Variants in CEP70 observed in about 807,000 individuals in gnomAD.
CEP70 encodes the protein centrosomal protein 70, also known as centrosomal protein of 70 kDa.
CEP70 carries 70 observed loss-of-function variants against 90.9 expected under a neutral mutation model. The ratio of observed to expected loss-of-function variants is 0.77; its 90% CI spans 0.64 to 0.94. CEP70 has a LOEUF of 0.94. Ranked by LOEUF, CEP70 falls within the 40% of genes least tolerant of loss-of-function variation. The pLI is 0.00. For synonymous variants in CEP70, 220 were observed against 228.3 expected (o/e 0.96, Z 0.33); for missense variants, 648 against 669.0 (o/e 0.97, Z 0.35).
At chr3:138,592,985 A>C (rs1238158119) in intron 1 of CEP70, 2 of 152,190 alleles carry the variant, frequency 1.3e-5, no homozygotes, top group Non-Finnish European at 2.9e-5. Context: ...ACTTACCCCA[A>C]ATAGGAAAGA....
intron 11 of CEP70, among the ~76,000 whole-genome samples, chr3:138,521,196 A>T (rs1011920550): frequency 2.0e-5 from 3 of 152,102 alleles, no homozygotes; most frequent in African/African-American, 7.2e-5. Flanking sequence ...GGCCTCCCAA[A>T]GTGCTGAGAT....
At chr3:138,532,606 G>A (rs754767457) in intron 7 of CEP70, 36 bp from the exon 8 acceptor site, 9 of 495,878 alleles carry the variant, frequency 1.8e-5, no homozygotes, top group East Asian at 8.8e-5. Flanking sequence ...TTCAAAATGC[G>A]GTATGGTATT....
At chr3:138,541,939 C>G (rs2038801605) in intron 6 of CEP70, among the ~76,000 whole-genome samples, 1 of 152,220 alleles carries the variant, frequency 6.6e-6, no homozygotes, top group East Asian at 1.9e-4. Flanking sequence ...GGGAGCATCA[C>G]AAGATCCTCA....
At position 138,562,033 on chromosome 3, in the gene CEP70, A is replaced by C. The variant is rs1230336981; in HGVS notation, c.465+8285T>G. ...GCAAGACGCCGTCTCAAAAAAAAAA[A>C]AAAAAGAAGAACTTCGTGAAGCATA... is the stretch of plus-strand genomic sequence containing the variant. On this transcript the variant is annotated intron_variant, in intron 6 of 17. Coordinates refer to ENST00000264982, the MANE Select transcript of CEP70 (RefSeq NM_024491.4). 8.6e-5 allele frequency among the ~76,000 whole-genome samples: 13 copies of C among 151,888 alleles called. No individual in the cohort carries two copies. The South Asian group carries it at 1.2e-3, about 15-fold the overall frequency.
intron 6 of CEP70, among the ~76,000 whole-genome samples, chr3:138,559,142 C>G (rs371053912): frequency 6.6e-6 from 1 of 151,826 alleles, no homozygotes; most frequent in South Asian, 2.1e-4. Flanking sequence ...AATTCTAAAA[C>G]TAAAAAATAC....
In CEP70 at chr3:138,529,439, T is replaced by C; in HGVS notation, c.716A>G (p.Gln239Arg). Residue 239 changes from glutamine to arginine, a missense_variant, in exon 9 of 18, where the codon CAG (glutamine) becomes CGG (arginine). Physicochemically the swap from Gln to Arg is conservative, Grantham distance 43 (BLOSUM62 1). Coordinates refer to ENST00000264982, the MANE Select transcript of CEP70 (RefSeq NM_024491.4). ...TCTGTAGTCGTTTTCTTCTTCTGAC[T>C]GACTTTCATCTTCTTTATATTGCCT... ...TQRQYKEDES[Q>R]SEEENDYRNL... 1.2e-6 allele frequency: 2 copies of C among 1,608,504 alleles called. No individual in the cohort carries two copies. The highest frequency in any genetic ancestry group is 1.1e-5 in the South Asian group (1 of 90,272).
chr3:138,556,864 C>T (rs1054320747), intron 6 of CEP70, among the ~76,000 whole-genome samples: 5 of 152,036 alleles, frequency 3.3e-5, no homozygotes, highest in South Asian at 2.1e-4. Context: ...GACCACAGAC[C>T]GGGGCGAAAT....
intron 11 of CEP70, among the ~76,000 whole-genome samples, chr3:138,512,985 TGAAAA>T (rs1248918062): frequency 6.6e-6 from 1 of 152,214 alleles, no homozygotes; most frequent in African/African-American, 2.4e-5. Flanking sequence ...TAGTTAGTGA[TGAAAA>T]GAAGGGTGGT....
chr3:138,577,357 T>G (rs1560450833), intron 2 of CEP70, among the ~76,000 whole-genome samples: 1 of 151,926 alleles, frequency 6.6e-6, no homozygotes, highest in Non-Finnish European at 1.5e-5. Flanking sequence ...CATAAATAAA[T>G]AAACCCAAGG....
At chr3:138,520,009 C>CA (rs2036457221) in intron 11 of CEP70, among the ~76,000 whole-genome samples, 3 of 151,582 alleles carry the variant, frequency 2.0e-5, no homozygotes, top group Admixed American at 1.3e-4. Flanking sequence ...AAATGGAAAA[C>CA]AAAAAAAGGC....
At chr3:138,584,745 C>A (rs1256133457) in intron 2 of CEP70, among the ~76,000 whole-genome samples, 1 of 151,756 alleles carries the variant, frequency 6.6e-6, no homozygotes. Context: ...ATTCAACATT[C>A]CTTCATGATT....
chr3:138,517,588 G>T (rs887491875), intron 11 of CEP70, among the ~76,000 whole-genome samples: 1 of 152,204 alleles, frequency 6.6e-6, no homozygotes, highest in Non-Finnish European at 1.5e-5. Context: ...AGAATGGCGT[G>T]AGCCCAGGAG....
In CEP70 at chr3:138,500,827, A is replaced by G. The variant is rs576698082; in HGVS notation, c.1276T>C (p.Leu426=). Residue 426 remains leucine (L), a synonymous_variant, in exon 14 of 18, where the codon TTG becomes CTG. Transcript: ENST00000264982. ...CCTTCATTTTCATCCTGCTTCTTCA[A>G]ATTAAGCCAAGGTACCAGTTCTGCA... ...LSAELVPWLN[L]KKQDENEGIK... 3 of 1,607,118 alleles carry G rather than the reference A, an allele frequency of 1.9e-6. No individual in the cohort carries two copies. In the African/African-American group the frequency reaches 4.0e-5, roughly 21 times the overall value.
intron 2 of CEP70, among the ~76,000 whole-genome samples, chr3:138,574,543 T>A (rs533103008): frequency 4.9e-4 from 74 of 152,308 alleles, no homozygotes; most frequent in African/African-American, 1.8e-3. Flanking sequence ...CAGCAGAAAC[T>A]TCTGCAGACT....
chr3:138,548,784 A>G (rs1054831615), intron 6 of CEP70, among the ~76,000 whole-genome samples: 4 of 152,178 alleles, frequency 2.6e-5, no homozygotes, highest in African/African-American at 9.6e-5. Flanking sequence ...CAAAACTACT[A>G]CAGGAATACA....
In CEP70 at chr3:138,548,045, T is replaced by C. The variant is rs1173008843; in HGVS notation, c.466-10698A>G. ...TTGTATCAGGCCAACATTATCCTGA[T>C]ACCAAAGCCAGAGATACTACAAAAA... On this transcript the variant is annotated intron_variant, in intron 6 of 17. Transcript: ENST00000264982. Among the ~76,000 whole-genome samples, 6 of 152,204 alleles carry C rather than the reference T, an allele frequency of 3.9e-5. No individual in the cohort carries two copies. In the South Asian group the frequency reaches 1.0e-3, roughly 26 times the overall value.
chr3:138,495,446 G>A (rs550527702), intron 17 of CEP70, among the ~76,000 whole-genome samples: 10 of 152,298 alleles, frequency 6.6e-5, no homozygotes, highest in East Asian at 5.8e-4. Context: ...AGGTAGAGGC[G>A]TCTCCTCCCT....
intron 6 of CEP70, among the ~76,000 whole-genome samples, chr3:138,541,425 AAAAAG>A (rs754404623): frequency 4.2e-4 from 48 of 113,250 alleles, no homozygotes; most frequent in Non-Finnish European, 7.1e-4. Context: ...AAAGAAAAAG[AAAAAG>A]AAAAAAAAAA....
At chr3:138,548,841 G>T (rs1178391910) in intron 6 of CEP70, among the ~76,000 whole-genome samples, 1 of 152,192 alleles carries the variant, frequency 6.6e-6, no homozygotes, top group African/African-American at 2.4e-5. Flanking sequence ...GAAGCAGACT[G>T]CTCCTGCAGG....
Sources: gnomAD v4.1 joint callset for allele counts (sites outside exome capture counted in the v4.1 genomes callset) on GRCh38, gnomAD v4.1.1 for gene constraint, MANE v1.5 for transcripts, NCBI Gene and HGNC (gene_info 2026-07-23, HGNC 2026-07-21) for gene names.